Variants in SCNN1B observed in about 807,000 individuals in gnomAD.
SCNN1B encodes the protein epithelial sodium channel subunit beta.
In SCNN1B, 46 loss-of-function variants were observed where a neutral mutation model predicts 65.3. That is an observed-to-expected ratio of 0.70 (90% CI 0.56 to 0.90). The LOEUF is 0.90. Ranked by LOEUF, SCNN1B falls within the 40% of genes least tolerant of loss-of-function variation. SCNN1B has a pLI of 0.00. For missense variants in SCNN1B, 751 were observed against 830.5 expected (o/e 0.90, Z 1.18); for synonymous variants, 349 against 330.6 (o/e 1.06, Z -0.60).
intron 5 of SCNN1B, among the ~76,000 whole-genome samples, chr16:23,370,818 GT>G (rs1476736244): frequency 7.9e-5 from 12 of 152,322 alleles, no homozygotes; most frequent in Non-Finnish European, 1.3e-4. Context: ...AGCATTCCAG[GT>G]GAGAGAACAG....
At chr16:23,360,881 G>A (rs796953352) in intron 4 of SCNN1B, among the ~76,000 whole-genome samples, 36 of 152,052 alleles carry the variant, frequency 2.4e-4, no homozygotes, top group African/African-American at 8.0e-4. Context: ...CACAAGCTCC[G>A]CCTCCCGGGT....
At chr16:23,298,199 A>G (rs1042399501), upstream of SCNN1B, among the ~76,000 whole-genome samples, 2 of 152,220 alleles carry the variant, frequency 1.3e-5, no homozygotes, top group Non-Finnish European at 2.9e-5. Flanking sequence ...TGACTGTGCC[A>G]TAATTTAACC....
rs768319226 is a variant in SCNN1B, at chr16:23,352,773, C to G, written c.312-28C>G. On this transcript the variant is annotated intron_variant, in intron 2 of 12. Transcript: ENST00000343070. ...TCTGCTTTACAGATATGCATTCCTT[C>G]CCCCTAACCAGCCCTCTCCCCATCC... The G allele has an allele frequency of 2.5e-6, 4 of 1,613,534 alleles. No homozygotes were observed. The African/African-American group carries it at 5.3e-5, about 22-fold the overall frequency.
At chr16:23,326,371 A>T (rs74947663) in intron 1 of SCNN1B, among the ~76,000 whole-genome samples, 1 of 152,234 alleles carries the variant, frequency 6.6e-6, no homozygotes, top group Non-Finnish European at 1.5e-5. Flanking sequence ...ACCCAGAGAT[A>T]ATCATTATAA....
intron 1 of SCNN1B, among the ~76,000 whole-genome samples, chr16:23,320,180 G>T (rs1961558113): frequency 2.0e-5 from 3 of 152,336 alleles, no homozygotes; most frequent in Non-Finnish European, 2.9e-5. Flanking sequence ...TGGTTCTGAT[G>T]CCCTACTTGG....
intron 1 of SCNN1B, among the ~76,000 whole-genome samples, chr16:23,342,566 G>C (rs988916840): frequency 6.6e-6 from 1 of 152,064 alleles, no homozygotes. Context: ...GTTTCTATTA[G>C]GGGTGTCCAA....
At chr16:23,367,589 C>T (rs982015353) in intron 4 of SCNN1B, among the ~76,000 whole-genome samples, 1 of 152,256 alleles carries the variant, frequency 6.6e-6, no homozygotes, top group South Asian at 2.1e-4. Context: ...TGAGCCACCA[C>T]GCCCGGCCAG....
At chr16:23,294,068 C>A (rs899514251) in intron 2 of SCNN1B, among the ~76,000 whole-genome samples, 3 of 151,964 alleles carry the variant, frequency 2.0e-5, no homozygotes, top group Admixed American at 2.0e-4. Flanking sequence ...TGATTCAAGA[C>A]TAAAGTCCTG....
intron 7 of SCNN1B, among the ~76,000 whole-genome samples, chr16:23,374,267 G>GAAAAAAA: frequency 7.1e-5 from 2 of 28,270 alleles, no homozygotes; most frequent in Non-Finnish European, 1.3e-4. Flanking sequence ...CCCTGTCTCA[G>GAAAAAAA]GAAAAAAAAA....
intron 1 of SCNN1B, among the ~76,000 whole-genome samples, chr16:23,334,269 C>T (rs762843506): frequency 1.3e-4 from 20 of 152,126 alleles, no homozygotes; most frequent in African/African-American, 4.8e-4. Context: ...CCATGACCCA[C>T]CCCGGAGAAC....
At chr16:23,366,229 G>A (rs1962666301) in intron 4 of SCNN1B, among the ~76,000 whole-genome samples, 2 of 151,938 alleles carry the variant, frequency 1.3e-5, no homozygotes, top group Non-Finnish European at 2.9e-5. Flanking sequence ...TTTTGATACA[G>A]AGTCTCACTC....
chr16:23,374,438 G>A (rs1962849417), intron 7 of SCNN1B, among the ~76,000 whole-genome samples: 2 of 151,042 alleles, frequency 1.3e-5, no homozygotes, highest in South Asian at 4.2e-4. Flanking sequence ...GCCGGGGGTG[G>A]TGGTGCATGC....
At chr16:23,305,580 T>A (rs1596818440) in intron 1 of SCNN1B, among the ~76,000 whole-genome samples, 4 of 28,344 alleles carry the variant, frequency 1.4e-4, no homozygotes, top group Admixed American at 7.7e-4. Context: ...ATATATATTA[T>A]ATATATATAT....
chr16:23,304,619 T>C (rs1961156300), intron 1 of SCNN1B, among the ~76,000 whole-genome samples: 1 of 152,132 alleles, frequency 6.6e-6, no homozygotes, highest in East Asian at 1.9e-4. Flanking sequence ...GACTGGCAGA[T>C]TGGACTGTCC....
At chr16:23,377,422 C>A (rs1429675462) in intron 10 of SCNN1B, 36 bp downstream of exon 10, 1 of 1,609,598 alleles carries the variant, frequency 6.2e-7, no homozygotes, top group Non-Finnish European at 8.5e-7. Flanking sequence ...TGGCTCCCAC[C>A]TTTGGCTGGG....
chr16:23,354,200 G>A (rs942562389), intron 3 of SCNN1B, among the ~76,000 whole-genome samples: 14 of 152,208 alleles, frequency 9.2e-5, no homozygotes, highest in Non-Finnish European at 1.0e-4. Context: ...TCATGATGAT[G>A]GGGATAACAA....
chr16:23,343,496 A>AAGGAAGGAAGGAAGAAAGAGGGAGGG, intron 1 of SCNN1B, among the ~76,000 whole-genome samples: 1 of 90,044 alleles, frequency 1.1e-5, no homozygotes, highest in African/African-American at 3.3e-5. Flanking sequence ...GGAAGGAAGG[A>AAGGAAGGAAGGAAGAAAGAGGGAGGG]AGGAAGGAAG....
intron 4 of SCNN1B, among the ~76,000 whole-genome samples, chr16:23,366,895 T>G (rs2142034981): frequency 6.6e-6 from 1 of 152,344 alleles, no homozygotes; most frequent in South Asian, 2.1e-4. Flanking sequence ...AGCTGCTTAC[T>G]TTGGAGACTT....
rs1301426208 is a variant in SCNN1B, at chr16:23,380,942, C to G, written c.*141C>G. The G allele has an allele frequency of 1.5e-5, 13 of 889,418 alleles. No homozygotes were observed. Among genetic ancestry groups the G allele is most frequent in the Non-Finnish European group, 2.4e-5 (13 of 536,358 alleles). The allele number at this position is 889,418 out of a possible 1,614,324, so 55.1% of individuals were successfully genotyped here. ...GAGCTTGTGTCCTTCAACAGAGAGG[C>G]CAGCGGCAACTGGTCCGTTACTGGC... On this transcript the variant is annotated 3_prime_UTR_variant, in exon 13 of 13. Transcript: ENST00000343070. This position sits in a 1 kb window ranked among gnomAD's most constrained non-coding sequence, Gnocchi z 5.4.
Sources: allele counts gnomAD v4.1 joint callset (sites outside exome capture counted in the v4.1 genomes callset), GRCh38; gene constraint gnomAD v4.1.1; non-coding constraint Gnocchi (gnomAD v3.1); transcripts MANE v1.5; gene names NCBI Gene and HGNC (gene_info 2026-07-23, HGNC 2026-07-21).